The following HACD1 variants were observed in gnomAD, a reference collection of about 807,000 sequenced individuals.
HACD1 encodes the protein very-long-chain (3R)-3-hydroxyacyl-CoA dehydratase 1.
In HACD1, 41 loss-of-function variants were observed where a neutral mutation model predicts 32.0. The ratio of observed to expected loss-of-function variants is 1.28; its 90% CI spans 1.00 to 1.66. HACD1 has a LOEUF of 1.66. Among genes scored for constraint, HACD1 ranks in the 40% most tolerant of loss-of-function variants. HACD1 has a pLI of 0.00. For synonymous variants in HACD1, 142 were observed against 139.0 expected, an observed-to-expected ratio of 1.02 and a Z score of -0.15; for missense variants, 396 against 380.1, an observed-to-expected ratio of 1.04 and a Z score of -0.35.
At chr10:17,590,576 A>C in intron 6 of HACD1, 130 bp from the exon 7 acceptor site, 1 of 590,036 alleles carries the variant, frequency 1.7e-6, no homozygotes, top group South Asian at 2.5e-5. Flanking sequence ...GGATATTTAC[A>C]GAGCTCAAGA....
In HACD1 at chr10:17,603,971, G is replaced by T. The variant is rs782258194; in HGVS notation, c.334C>A (p.Gln112Lys). The T allele has an allele frequency of 1.2e-5, 19 of 1,612,450 alleles. No homozygotes were observed. The East Asian group carries it at 2.9e-4, about 25-fold the overall frequency. The change falls in exon 2 of 7, where the codon CAG (glutamine) becomes AAG (lysine). Residue 112 changes from glutamine (Q) to lysine (K), a missense_variant. By Grantham distance (53) the Gln-to-Lys change is moderately conservative (BLOSUM62 1). Coordinates refer to ENST00000361271, the MANE Select transcript of HACD1 (RefSeq NM_014241.4). ...GTHRGLYKSIQKTLKFFQTFA... is the reference protein window; with the variant it reads ...GTHRGLYKSIKKTLKFFQTFA... ...GTCTGGAAAAATTTAAGTGTCTTCT[G>T]AATACTTTTATATAAACCTCTGTGT...
chr10:17,611,954 G>A (rs1013139720), intron 1 of HACD1, among the ~76,000 whole-genome samples: 3 of 150,834 alleles, frequency 2.0e-5, no homozygotes, highest in South Asian at 2.1e-4. Flanking sequence ...GTGACAGAGC[G>A]AGACTCTGTC....
chr10:17,610,544 G>A (rs1834218076), intron 1 of HACD1, among the ~76,000 whole-genome samples: 1 of 151,908 alleles, frequency 6.6e-6, no homozygotes, highest in South Asian at 2.1e-4. Flanking sequence ...AGCTACTCGG[G>A]AGGCTGAGGT....
At chr10:17,592,488 C>T (rs554895553) in intron 6 of HACD1, among the ~76,000 whole-genome samples, 106 of 152,118 alleles carry the variant, frequency 7.0e-4, no homozygotes, top group African/African-American at 2.5e-3. Flanking sequence ...AAAACATGTT[C>T]TGGGCTGAGT....
chr10:17,600,283 C>A (rs1232627102), intron 4 of HACD1, among the ~76,000 whole-genome samples: 1 of 152,222 alleles, frequency 6.6e-6, no homozygotes, highest in Non-Finnish European at 1.5e-5. Flanking sequence ...CTCCAACCCT[C>A]TCCTCTCACC....
intron 6 of HACD1, among the ~76,000 whole-genome samples, chr10:17,592,567 C>T (rs1164404872): frequency 5.3e-5 from 8 of 152,040 alleles, no homozygotes; most frequent in Admixed American, 3.9e-4. Context: ...TGGTACAGGC[C>T]AGAGTCTACA....
intron 5 of HACD1, among the ~76,000 whole-genome samples, chr10:17,596,909 A>C (rs1225535107): frequency 6.6e-6 from 1 of 152,206 alleles, no homozygotes; most frequent in Non-Finnish European, 1.5e-5. Context: ...ATAACTAAGA[A>C]GCCATTTCTA....
chr10:17,600,045 G>A (rs7070601), intron 4 of HACD1, among the ~76,000 whole-genome samples: 54,073 of 152,050 alleles, frequency 0.36, 10,126 homozygotes, highest in Middle Eastern at 0.43. Flanking sequence ...AAGGTTCTTT[G>A]CAATCCTTGC....
At chr10:17,598,105 C>T (rs1402451434) in intron 5 of HACD1, among the ~76,000 whole-genome samples, 1 of 151,466 alleles carries the variant, frequency 6.6e-6, no homozygotes, top group African/African-American at 2.4e-5. Flanking sequence ...ACAAAAAATA[C>T]AAAAATTAGC....
At chr10:17,602,073 T>TC (rs1239555806) in intron 4 of HACD1, among the ~76,000 whole-genome samples, 8 of 59,418 alleles carry the variant, frequency 1.3e-4, no homozygotes, top group Non-Finnish European at 2.4e-4. Flanking sequence ...ATGGGTTTAA[T>TC]TTTTTTTTTT....
At chr10:17,614,800 T>C (rs1833048955) in intron 1 of HACD1, among the ~76,000 whole-genome samples, 1 of 152,178 alleles carries the variant, frequency 6.6e-6, no homozygotes, top group African/African-American at 2.4e-5. Context: ...TCGCCCATGC[T>C]GGAGTGCAGT....
At chr10:17,601,624 T>C (rs536555083) in intron 4 of HACD1, among the ~76,000 whole-genome samples, 1 of 152,298 alleles carries the variant, frequency 6.6e-6, no homozygotes, top group African/African-American at 2.4e-5. Flanking sequence ...AGACTCATGG[T>C]GGTCCTAACT....
Position 17,589,129 on chromosome 10 carries a change from A to T in HACD1, c.*1235T>A, listed in dbSNP as rs1330011573. 6.6e-6 allele frequency: 1 copy of T among 152,200 alleles called. No homozygotes were observed. The highest frequency in any genetic ancestry group is 1.5e-5 in the Non-Finnish European group (1 of 68,028). The allele number at this position is 152,200 out of a possible 1,614,324, so 9.4% of individuals were successfully genotyped here. A position where few individuals can be genotyped will look rare whatever the true frequency, so the allele number is the denominator to read the frequency against. ...CAGAATGAAAGGAGTCTGTCCAAAG[A>T]TCATACCCCAAAATGTTTAGTTACC... On this transcript the variant is annotated 3_prime_UTR_variant, in exon 7 of 7. Transcript: ENST00000361271.
At chr10:17,605,660 A>C (rs1834136047) in intron 1 of HACD1, among the ~76,000 whole-genome samples, 1 of 151,938 alleles carries the variant, frequency 6.6e-6, no homozygotes, top group African/African-American at 2.4e-5. Flanking sequence ...AAAAAAAAAA[A>C]ACAAAAGAAG....
chr10:17,590,074 G>A lies in HACD1; in HGVS notation c.*290C>T, dbSNP rs1299173669. ...TATTGATTTAAAAAGCTTTGAGCAT[G>A]TTTCAAAAAAAACTTAGCAAAAGTT... On this transcript the variant is annotated 3_prime_UTR_variant, in exon 7 of 7. Coordinates refer to ENST00000361271, the MANE Select transcript of HACD1 (RefSeq NM_014241.4). 1.0e-5 allele frequency: 2 copies of A among 197,844 alleles called. No homozygotes were observed. The highest frequency in any genetic ancestry group is 1.2e-4 in the Admixed American group (2 of 16,742). The allele number at this position is 197,844 out of a possible 1,614,324, so 12.3% of individuals were successfully genotyped here. A position where few individuals can be genotyped will look rare whatever the true frequency, so the allele number is the denominator to read the frequency against.
chr10:17,602,681 A>G (rs1358749460), intron 4 of HACD1, among the ~76,000 whole-genome samples: 1 of 152,166 alleles, frequency 6.6e-6, no homozygotes, highest in Non-Finnish European at 1.5e-5. Flanking sequence ...TAAGATCACT[A>G]TTCTCTTAGC....
At chr10:17,602,689 A>C (rs1834088130) in intron 4 of HACD1, among the ~76,000 whole-genome samples, 1 of 152,154 alleles carries the variant, frequency 6.6e-6, no homozygotes, top group East Asian at 1.9e-4. Context: ...CTATTCTCTT[A>C]GCAATTTTCA....
At chr10:17,590,959 A>G (rs12774578) in intron 6 of HACD1, among the ~76,000 whole-genome samples, 33,637 of 152,106 alleles carry the variant, frequency 0.22, 4,201 homozygotes, top group East Asian at 0.47. Context: ...ACAGGCATGA[A>G]CCACTGCGCC....
intron 1 of HACD1, among the ~76,000 whole-genome samples, chr10:17,607,290 T>C (rs1313210564): frequency 6.6e-6 from 1 of 152,016 alleles, no homozygotes; most frequent in Non-Finnish European, 1.5e-5. Flanking sequence ...CCCTTTCCAC[T>C]CTACCCCAGC....
Sources: gnomAD v4.1 joint callset for allele counts (sites outside exome capture counted in the v4.1 genomes callset) on GRCh38, gnomAD v4.1.1 for gene constraint, MANE v1.5 for transcripts, NCBI Gene and HGNC (gene_info 2026-07-23, HGNC 2026-07-21) for gene names.